C12orf76: variants seen among roughly 807,000 people sequenced by gnomAD.
C12orf76 encodes the protein chromosome 12 open reading frame 76.
In C12orf76, 6 loss-of-function variants were observed where a neutral mutation model predicts 6.8. The ratio of observed to expected loss-of-function variants is 0.88; its 90% confidence interval spans 0.48 to 1.73. The LOEUF is 1.73. Among genes scored for constraint, C12orf76 ranks in the 40% most tolerant of loss-of-function variants. The pLI is 0.01. For missense variants in C12orf76, 99 were observed against 98.2 expected (o/e 1.01, Z -0.03); for synonymous variants, 56 against 43.7 (o/e 1.28, Z -1.11).
chr12:110,061,083 CAAA>C (rs34382276), intron 2 of C12orf76, among the ~76,000 whole-genome samples: 12 of 84,310 alleles, frequency 1.4e-4, no homozygotes, highest in Admixed American at 2.7e-4. Context: ...GACTCTGACT[CAAA>C]AAAAAAAAAA....
chr12:110,047,709 G>A (rs1320394001), intron 1 of C12orf76, among the ~76,000 whole-genome samples: 2 of 152,186 alleles, frequency 1.3e-5, no homozygotes, highest in Non-Finnish European at 2.9e-5. Flanking sequence ...GCTGCAAACC[G>A]TACGTTTCTC....
chr12:110,057,607 C>T (rs1892691213), intron 3 of C12orf76, among the ~76,000 whole-genome samples: 2 of 152,112 alleles, frequency 1.3e-5, no homozygotes, highest in South Asian at 4.1e-4. Flanking sequence ...AGAGCCAGCA[C>T]CCCCAAGGCA....
upstream of C12orf76, among the ~76,000 whole-genome samples, chr12:110,070,801 GT>G (rs1892952734): frequency 6.6e-6 from 1 of 152,130 alleles, no homozygotes; most frequent in Non-Finnish European, 1.5e-5. Context: ...TTGAGATGGA[GT>G]CTTGCTCTGT....
At chr12:110,042,624 TG>T (rs1484231178) in intron 1 of C12orf76, 165 bp from the exon 2 acceptor site, 2 of 703,684 alleles carry the variant, frequency 2.8e-6, no homozygotes, top group South Asian at 3.0e-5. Flanking sequence ...TAAATATAGT[TG>T]GGGGAGAAAC....
chr12:110,043,864 C>T (rs375339158), intron 1 of C12orf76, among the ~76,000 whole-genome samples: 2 of 27,102 alleles, frequency 7.4e-5, no homozygotes, highest in Non-Finnish European at 1.4e-4. Context: ...CAAAAAAAAA[C>T]AAAAACAAAA....
At chr12:110,051,717 G>T (rs1050419830), upstream of C12orf76, among the ~76,000 whole-genome samples, 2 of 151,638 alleles carry the variant, frequency 1.3e-5, no homozygotes, top group Non-Finnish European at 2.9e-5. Context: ...GAGCCACCAT[G>T]CCCGGCCCCC....
upstream of C12orf76, among the ~76,000 whole-genome samples, chr12:110,069,962 A>G (rs1343583707): frequency 2.0e-5 from 3 of 152,176 alleles, no homozygotes; most frequent in African/African-American, 7.2e-5. Flanking sequence ...CTTTTAAAAA[A>G]TTGTGGGCTG....
chr12:110,072,700 A>G (rs949950841), intron 1 of C12orf76, among the ~76,000 whole-genome samples: 2 of 152,196 alleles, frequency 1.3e-5, no homozygotes, highest in Non-Finnish European at 2.9e-5. Context: ...AGGCAGGTGG[A>G]TCACATGAGG....
intron 1 of C12orf76, among the ~76,000 whole-genome samples, chr12:110,073,003 G>A (rs1228430495): frequency 1.3e-5 from 2 of 151,934 alleles, no homozygotes; most frequent in Non-Finnish European, 2.9e-5. Context: ...GGCAGGTGTT[G>A]GTGACCTGAA....
intron 2 of C12orf76, among the ~76,000 whole-genome samples, chr12:110,062,648 CTCACTCTGT>C (rs1892790819): frequency 6.7e-6 from 1 of 149,512 alleles, no homozygotes. Context: ...GAGACAGGGT[CTCACTCTGT>C]CGCCTAGGCT....
rs1227764387 is a variant in C12orf76, at chr12:110,054,330, G to A, written n.664+2859C>T. ...ATGGATGAATGGATAGGCAAAATGT[G>A]GTCTATCCATTCAATGAGATATTAT... On this transcript the variant is annotated intron_variant and non_coding_transcript_variant, in intron 4 of 4. Transcript: ENST00000309050. The surrounding 1 kb of genome is among the most constrained non-coding windows in gnomAD (Gnocchi z 4.4). Among the ~76,000 whole-genome samples the A allele has an allele frequency of 6.6e-6, 1 of 152,018 alleles. No homozygotes were observed. Among genetic ancestry groups the A allele is most frequent in the Admixed American group, 6.6e-5 (1 of 15,252 alleles).
Position 110,054,528 on chromosome 12 carries a change from G to A in C12orf76, n.664+2661C>T, listed in dbSNP as rs747915275. Among the ~76,000 whole-genome samples the A allele has an allele frequency of 2.0e-5, 3 of 152,152 alleles. No individual in the cohort carries two copies. The highest frequency in any genetic ancestry group is 4.4e-5 in the Non-Finnish European group (3 of 68,032). On this transcript the variant is annotated intron_variant and non_coding_transcript_variant, in intron 4 of 4. Coordinates refer to the C12orf76 transcript ENST00000309050. The surrounding 1 kb of genome is among the most constrained non-coding windows in gnomAD (Gnocchi z 4.4). Reference sequence around the variant, plus strand: ...AATCCATAGAGACAGAGAGTAGATTGGTAGTTGCAGGGGACAGAGGGAGGG... The same window carrying A: ...AATCCATAGAGACAGAGAGTAGATTAGTAGTTGCAGGGGACAGAGGGAGGG...
intron 1 of C12orf76, among the ~76,000 whole-genome samples, chr12:110,044,764 G>A (rs1478539809): frequency 1.3e-5 from 2 of 151,386 alleles, no homozygotes; most frequent in African/African-American, 2.4e-5. Context: ...ACCTGAAGTC[G>A]GGAGTTCGAG....
intron 2 of C12orf76, among the ~76,000 whole-genome samples, chr12:110,064,044 T>C (rs1892820584): frequency 6.6e-6 from 1 of 152,190 alleles, no homozygotes; most frequent in Non-Finnish European, 1.5e-5. Flanking sequence ...TTTCCACCGC[T>C]GTGTAACAAA....
At chr12:110,065,795 T>C in intron 2 of C12orf76, 1 of 1,614,032 alleles carries the variant, frequency 6.2e-7, no homozygotes, top group Non-Finnish European at 8.5e-7. Context: ...CCCATGGCAC[T>C]GAAAATCAAA....
upstream of C12orf76, among the ~76,000 whole-genome samples, chr12:110,070,254 A>G (rs1892945402): frequency 1.3e-5 from 2 of 149,808 alleles, no homozygotes; most frequent in African/African-American, 4.9e-5. Flanking sequence ...AAAAAAAGAA[A>G]AAGAAAAAGA....
chr12:110,064,724 G>A (rs954918781), intron 2 of C12orf76, among the ~76,000 whole-genome samples: 3 of 151,986 alleles, frequency 2.0e-5, no homozygotes, highest in Admixed American at 6.6e-5. Context: ...CCTTGGCCTC[G>A]CCTTCTCGGC....
At chr12:110,061,834 C>A (rs562766800) in intron 2 of C12orf76, among the ~76,000 whole-genome samples, 120 of 152,116 alleles carry the variant, frequency 7.9e-4, no homozygotes, top group African/African-American at 2.7e-3. Flanking sequence ...CCACTCCCAG[C>A]CTACACTGCA....
At chr12:110,051,328 C>CCTCATGAATT (rs1367350126), upstream of C12orf76, 6 of 695,410 alleles carry the variant, frequency 8.6e-6, no homozygotes, top group Non-Finnish European at 1.6e-5. Flanking sequence ...ATCATACCTG[C>CCTCATGAATT]CTCATGAATT....
Sources: gnomAD v4.1 joint callset for allele counts (sites outside exome capture counted in the v4.1 genomes callset) on GRCh38, gnomAD v4.1.1 for gene constraint, Gnocchi (gnomAD v3.1) non-coding constraint, MANE v1.5 for transcripts, NCBI Gene and HGNC (gene_info 2026-07-23, HGNC 2026-07-21) for gene names.